The following PPFIA2 variants were observed in gnomAD, a reference collection of about 807,000 sequenced individuals.
PPFIA2 encodes PPFI scaffold protein A2.
In PPFIA2, 46 loss-of-function variants were observed where a neutral mutation model predicts 175.5. The ratio of observed to expected loss-of-function variants is 0.26; its 90% CI spans 0.21 to 0.34. The LOEUF (loss-of-function observed/expected upper bound fraction) is 0.34, where lower values mean the gene tolerates loss of function less well. Ranked by LOEUF, PPFIA2 falls within the 10% of genes least tolerant of loss-of-function variation. The pLI, the probability that PPFIA2 is intolerant of heterozygous loss-of-function variation, is 1.00. For missense variants in PPFIA2, 1,179 were observed against 1,506.1 expected (o/e 0.78, Z 3.60); for synonymous variants, 568 against 511.4 (o/e 1.11, Z -1.49).
At chr12:81,725,214 T>A (rs904951534) in intron 3 of PPFIA2, among the ~76,000 whole-genome samples, 1 of 151,022 alleles carries the variant, frequency 6.6e-6, no homozygotes, top group Non-Finnish European at 1.5e-5. Flanking sequence ...AGATTAGGTC[T>A]ACATAATCTA....
intron 28 of PPFIA2, among the ~76,000 whole-genome samples, chr12:81,275,347 G>A (rs1053090910): frequency 6.6e-6 from 1 of 152,168 alleles, no homozygotes; most frequent in Non-Finnish European, 1.5e-5. Flanking sequence ...TCTACTCTCC[G>A]ATGAGACGTA....
intron 4 of PPFIA2, among the ~76,000 whole-genome samples, chr12:81,661,094 T>G (rs980438419): frequency 6.6e-6 from 1 of 152,150 alleles, no homozygotes; most frequent in Non-Finnish European, 1.5e-5. Flanking sequence ...TGCAAAAACA[T>G]GCCAAATTGT....
chr12:81,532,558 A>G (rs1220517812), intron 4 of PPFIA2, among the ~76,000 whole-genome samples: 1 of 151,812 alleles, frequency 6.6e-6, no homozygotes, highest in Admixed American at 6.6e-5. Context: ...GCAAAGAACC[A>G]CTAATGATAT....
intron 30 of PPFIA2, among the ~76,000 whole-genome samples, chr12:81,263,953 T>C (rs541507210): frequency 3.9e-5 from 6 of 152,222 alleles, no homozygotes; most frequent in Admixed American, 1.3e-4. Context: ...TGACACAGAA[T>C]TAACTTGCAA....
chr12:81,673,302 C>T (rs920814582), intron 4 of PPFIA2, among the ~76,000 whole-genome samples: 1 of 152,080 alleles, frequency 6.6e-6, no homozygotes, highest in Non-Finnish European at 1.5e-5. Context: ...CACCCCAGTA[C>T]TTCAGTATTC....
chr12:81,716,948 GA>G (rs894503906), intron 3 of PPFIA2, among the ~76,000 whole-genome samples: 23 of 146,782 alleles, frequency 1.6e-4, no homozygotes, highest in Admixed American at 7.5e-4. Context: ...GAATAAGTCA[GA>G]AAAAAAAAAT....
At chr12:81,418,481 T>C (rs2045703627) in intron 7 of PPFIA2, among the ~76,000 whole-genome samples, 1 of 151,966 alleles carries the variant, frequency 6.6e-6, no homozygotes, top group Non-Finnish European at 1.5e-5. Flanking sequence ...AGAATAATAT[T>C]GTGTAAATTA....
intron 22 of PPFIA2, among the ~76,000 whole-genome samples, chr12:81,306,541 G>GT (rs34245260): frequency 0.088 from 9,392 of 107,156 alleles, 646 homozygotes; most frequent in Non-Finnish European, 0.13. Flanking sequence ...TTGTTTCGTT[G>GT]TTTTTTTTTT....
intron 7 of PPFIA2, among the ~76,000 whole-genome samples, chr12:81,433,245 T>C (rs1413311993): frequency 6.6e-6 from 1 of 152,186 alleles, no homozygotes; most frequent in African/African-American, 2.4e-5. Context: ...CTCCTCAGCC[T>C]GAAATACTTC....
chr12:81,421,339 T>TGGATGAGGTTAGAGA (rs1168731243), intron 7 of PPFIA2, among the ~76,000 whole-genome samples: 4 of 152,070 alleles, frequency 2.6e-5, no homozygotes. Context: ...AGATACAAAA[T>TGGATGAGGTTAGAGA]TGTTAATGGA....
chr12:81,592,369 G>T (rs2058762588), intron 4 of PPFIA2, among the ~76,000 whole-genome samples: 1 of 152,098 alleles, frequency 6.6e-6, no homozygotes, highest in Non-Finnish European at 1.5e-5. Context: ...TGTTGGGAAG[G>T]CATGATTGGT....
intron 7 of PPFIA2, 117 bp downstream of exon 7, chr12:81,439,855 G>T: frequency 1.1e-6 from 1 of 884,414 alleles, no homozygotes; most frequent in Non-Finnish European, 1.7e-6. Flanking sequence ...TTGTTCAATG[G>T]CATAGACAGA....
intron 28 of PPFIA2, among the ~76,000 whole-genome samples, chr12:81,276,113 T>C (rs1414917113): frequency 6.6e-6 from 1 of 152,134 alleles, no homozygotes; most frequent in Admixed American, 6.5e-5. Flanking sequence ...AAAAGTGGAT[T>C]GATTATTTTT....
At chr12:81,500,380 A>G (rs1418987008) in intron 4 of PPFIA2, among the ~76,000 whole-genome samples, 1 of 152,194 alleles carries the variant, frequency 6.6e-6, no homozygotes, top group Non-Finnish European at 1.5e-5. Flanking sequence ...AAAACACTTC[A>G]TAAATTGTGC....
intron 4 of PPFIA2, among the ~76,000 whole-genome samples, chr12:81,630,495 C>T (rs1052808258): frequency 2.0e-5 from 3 of 152,116 alleles, no homozygotes; most frequent in East Asian, 1.9e-4. Context: ...CCTGAGGATA[C>T]GGAAGGTATT....
intron 4 of PPFIA2, among the ~76,000 whole-genome samples, chr12:81,589,903 T>C (rs1479486655): frequency 6.6e-6 from 1 of 152,086 alleles, no homozygotes; most frequent in Non-Finnish European, 1.5e-5. Context: ...CCAAGCTTTT[T>C]TTCACTCCTC....
At chr12:81,519,923 T>A (rs1325498207) in intron 4 of PPFIA2, among the ~76,000 whole-genome samples, 2 of 152,182 alleles carry the variant, frequency 1.3e-5, no homozygotes, top group African/African-American at 4.8e-5. Context: ...ATTTGTAAAT[T>A]AGACACAGTA....
At chr12:81,476,797 A>G (rs1373858246) in intron 4 of PPFIA2, among the ~76,000 whole-genome samples, 2 of 152,198 alleles carry the variant, frequency 1.3e-5, no homozygotes, top group East Asian at 3.8e-4. Flanking sequence ...CAGCAAAGAC[A>G]TGGAACCAAC....
At chr12:81,282,119 T>C (rs1162436738) in intron 26 of PPFIA2, among the ~76,000 whole-genome samples, 2 of 152,092 alleles carry the variant, frequency 1.3e-5, no homozygotes, top group African/African-American at 2.4e-5. Flanking sequence ...AAACTATTCT[T>C]ACCAATACTG....
Sources: allele counts gnomAD v4.1 joint callset (sites outside exome capture counted in the v4.1 genomes callset), GRCh38; gene constraint gnomAD v4.1.1; transcripts MANE v1.5; gene names NCBI Gene and HGNC (gene_info 2026-07-23, HGNC 2026-07-21).